The following TTC7A variants were observed in gnomAD, a reference collection of about 807,000 sequenced individuals.
The protein encoded by TTC7A is tetratricopeptide repeat domain 7A.
Under a neutral mutation model 103.7 loss-of-function variants are expected in TTC7A, and 110 were observed. The observed-to-expected ratio is 1.06, with a 90% confidence interval of 0.91 to 1.24. The LOEUF (loss-of-function observed/expected upper bound fraction) is 1.24, where lower values mean the gene tolerates loss of function less well. Among genes scored for constraint, TTC7A ranks in the 50% most tolerant of loss-of-function variants. TTC7A has a pLI of 0.00. For missense variants in TTC7A, 1,340 were observed against 1,116.3 expected, an observed-to-expected ratio of 1.20 and a Z score of -2.86; for synonymous variants, 521 against 467.9, an observed-to-expected ratio of 1.11 and a Z score of -1.47.
intron 18 of TTC7A, chr2:47,054,040 C>A (rs781688613): frequency 1.0e-5 from 9 of 894,530 alleles, no homozygotes; most frequent in Non-Finnish European, 1.2e-5. Context: ...GAAACACATG[C>A]CTTTCAGTCA....
At position 47,017,224 on chromosome 2, in the gene TTC7A, A is replaced by C. The variant is rs955769312; in HGVS notation, c.1393-4638A>C. On this transcript the variant is annotated intron_variant, in intron 11 of 19. Coordinates refer to ENST00000319190, the MANE Select transcript of TTC7A (RefSeq NM_020458.4). ...TCAAAAAAAAAAAAAAAAAAAAAAA[A>C]AAAATTTGAGACTGGGGTGGTAGGT... 6.8e-4 allele frequency among the ~76,000 whole-genome samples: 102 copies of C among 150,374 alleles called. 1 individual carries two copies. The highest frequency in any genetic ancestry group is 1.1e-3 in the Non-Finnish European group (74 of 67,600).
At chr2:47,052,220 G>A (rs1370522029) in intron 18 of TTC7A, among the ~76,000 whole-genome samples, 1 of 152,214 alleles carries the variant, frequency 6.6e-6, no homozygotes, top group Non-Finnish European at 1.5e-5. Context: ...AGAAAGAGAG[G>A]GCTGGGGGTA....
chr2:47,058,880 C>T lies in TTC7A; in HGVS notation c.2153-1889C>T, dbSNP rs916163122. ...TCCTCTGGTTGCAGGACAGATCCTC[C>T]CCTGCCTGCTGGCCCAAAGGGGTGT... On this transcript the variant is annotated intron_variant, in intron 18 of 19. Coordinates refer to ENST00000319190, the MANE Select transcript of TTC7A (RefSeq NM_020458.4). 5.3e-5 allele frequency among the ~76,000 whole-genome samples: 8 copies of T among 152,096 alleles called. No individual in the cohort carries two copies. The East Asian group carries it at 7.7e-4, about 15-fold the overall frequency.
intron 16 of TTC7A, chr2:47,047,411 A>C: frequency 1.0e-6 from 1 of 972,418 alleles, no homozygotes; most frequent in Non-Finnish European, 1.6e-6. Context: ...AGGGCAGAGG[A>C]GGACCAGTGG....
chr2:47,042,675 A>AGTGTGTGTGT (rs10587096), intron 15 of TTC7A, among the ~76,000 whole-genome samples: 478 of 148,476 alleles, frequency 3.2e-3, no homozygotes, highest in African/African-American at 0.011. Context: ...CTGAGCCCCA[A>AGTGTGTGTGT]GTGTGTGTGT....
Position 47,023,344 on chromosome 2 carries a change from G to A in TTC7A, c.1511-64G>A, listed in dbSNP as rs530984260. 9 of 1,560,092 alleles carry A rather than the reference G, an allele frequency of 5.8e-6. No homozygotes were observed. In the East Asian group the frequency reaches 9.0e-5, roughly 16 times the overall value. ...CAGAGCTGTGTGCTTTGAGGATGGT[G>A]CAGGGCTGGGCCGGCACCCTTCAGT... is the stretch of plus-strand genomic sequence containing the variant. On this transcript the variant is annotated intron_variant, in intron 12 of 19. Transcript: ENST00000319190.
At chr2:46,991,799 AG>A (rs1343090899) in intron 5 of TTC7A, among the ~76,000 whole-genome samples, 4 of 152,188 alleles carry the variant, frequency 2.6e-5, no homozygotes, top group African/African-American at 9.7e-5. Context: ...AAGGGGGCTG[AG>A]GTTCCCTGTC....
intron 2 of TTC7A, among the ~76,000 whole-genome samples, chr2:46,928,933 TG>T (rs1669547315): frequency 6.6e-6 from 1 of 151,860 alleles, no homozygotes; most frequent in Non-Finnish European, 1.5e-5. Flanking sequence ...GAGGCTGAGG[TG>T]GGTGGATTAC....
intron 8 of TTC7A, among the ~76,000 whole-genome samples, chr2:47,000,204 A>T (rs1299952552): frequency 1.3e-5 from 2 of 151,982 alleles, no homozygotes; most frequent in Non-Finnish European, 2.9e-5. Context: ...TCATTTTTGA[A>T]AATGTTCAGG....
chr2:46,933,258 G>A (rs1210511078), intron 2 of TTC7A, among the ~76,000 whole-genome samples: 1 of 152,242 alleles, frequency 6.6e-6, no homozygotes, highest in Non-Finnish European at 1.5e-5. Context: ...GGGAGGGAGG[G>A]CAGTGCCTGG....
At chr2:46,932,062 G>A (rs999238675) in intron 2 of TTC7A, among the ~76,000 whole-genome samples, 2 of 151,714 alleles carry the variant, frequency 1.3e-5, no homozygotes, top group African/African-American at 2.4e-5. Context: ...CAATCATAAT[G>A]TTTTTAAAAA....
intron 11 of TTC7A, among the ~76,000 whole-genome samples, chr2:47,013,504 C>G (rs1213649830): frequency 6.6e-6 from 1 of 152,128 alleles, no homozygotes; most frequent in Non-Finnish European, 1.5e-5. Context: ...CCCAAAATAC[C>G]CATCTCTGAG....
chr2:47,043,546 T>C (rs1681993739), intron 15 of TTC7A, among the ~76,000 whole-genome samples: 1 of 151,124 alleles, frequency 6.6e-6, no homozygotes, highest in African/African-American at 2.4e-5. Context: ...GAAGGGAGGG[T>C]AGAGCCAGAG....
chr2:47,031,277 A>G lies in TTC7A; in HGVS notation c.1802+1893A>G, dbSNP rs780120196. Among the ~76,000 whole-genome samples, 6 of 152,240 alleles carry G rather than the reference A, an allele frequency of 3.9e-5. 1 individual carries two copies. The highest frequency in any genetic ancestry group is 3.3e-4 in the Admixed American group (5 of 15,282). ...TAGTTGCCTTGTCTTGTTAATCCCAAGTACAGTACAGTAATACAAGGTAAG... is the reference window on the plus strand; with the variant it reads ...TAGTTGCCTTGTCTTGTTAATCCCAGGTACAGTACAGTAATACAAGGTAAG... On this transcript the variant is annotated intron_variant, in intron 15 of 19. Transcript: ENST00000319190.
intron 19 of TTC7A, among the ~76,000 whole-genome samples, chr2:47,072,235 C>T (rs369276588): frequency 5.1e-4 from 77 of 152,310 alleles, no homozygotes; most frequent in African/African-American, 1.8e-3. Flanking sequence ...GGCTCCACCC[C>T]GCCTGCAGCC....
upstream of TTC7A, among the ~76,000 whole-genome samples, chr2:46,937,496 TATC>T (rs1276012893): frequency 1.3e-5 from 2 of 152,320 alleles, no homozygotes; most frequent in African/African-American, 4.8e-5. The surrounding 1 kb of genome is among the most constrained non-coding windows in gnomAD (Gnocchi z 4.0). Context: ...TTTAGGAACA[TATC>T]ATCCAGAGCA....
chr2:47,008,858 C>T (rs1434773656), intron 10 of TTC7A, among the ~76,000 whole-genome samples: 2 of 151,184 alleles, frequency 1.3e-5, no homozygotes, highest in Non-Finnish European at 2.9e-5. Flanking sequence ...CTCTTGCTCT[C>T]TGTGCGGCAA....
intron 8 of TTC7A, chr2:46,999,626 A>G: frequency 2.0e-6 from 2 of 985,474 alleles, no homozygotes; most frequent in South Asian, 9.4e-5. Context: ...CCCAAATCAG[A>G]AGGAATGACC....
At position 47,063,971 on chromosome 2, in the gene TTC7A, C is replaced by A. The variant is rs1683989687; in HGVS notation, c.2355+3000C>A. On this transcript the variant is annotated intron_variant, in intron 19 of 19. Coordinates refer to ENST00000319190, the MANE Select transcript of TTC7A (RefSeq NM_020458.4). ...CTTTGCTCTTAGGGGCTGGGGACCC[C>A]ATGTTTCTAAGAATATAAGTTTTGG... Among the ~76,000 whole-genome samples the A allele has an allele frequency of 2.0e-5, 3 of 152,224 alleles. No individual in the cohort carries two copies. In the South Asian group the frequency reaches 6.2e-4, roughly 32 times the overall value.
Sources: gnomAD v4.1 joint callset for allele counts (sites outside exome capture counted in the v4.1 genomes callset) on GRCh38, gnomAD v4.1.1 for gene constraint, Gnocchi (gnomAD v3.1) non-coding constraint, MANE v1.5 for transcripts, NCBI Gene and HGNC (gene_info 2026-07-23, HGNC 2026-07-21) for gene names.